CSMD1: variants seen among roughly 807,000 people sequenced by gnomAD.
CSMD1 encodes CUB and Sushi multiple domains 1.
A neutral mutation model predicts 417.5 loss-of-function variants in CSMD1; 213 were observed. That is an observed-to-expected ratio of 0.51 (90% CI 0.46 to 0.57). The LOEUF (loss-of-function observed/expected upper bound fraction) is 0.57, where lower values mean the gene tolerates loss of function less well. Ranked by LOEUF, CSMD1 falls within the 20% of genes least tolerant of loss-of-function variation. The pLI, the probability that CSMD1 is intolerant of heterozygous loss-of-function variation, is 0.00. For synonymous variants in CSMD1, 2,862 were observed against 1,736.8 expected (o/e 1.65, Z -16.11); for missense variants, 6,923 against 4,529.7 (o/e 1.53, Z -15.17).
At chr8:4,651,040 C>T (rs925645735) in intron 1 of CSMD1, among the ~76,000 whole-genome samples, 4 of 152,026 alleles carry the variant, frequency 2.6e-5, no homozygotes, top group East Asian at 3.9e-4. Context: ...CTGATCAAAG[C>T]AGTACAAAGG....
At chr8:4,213,747 C>A (rs944588846) in intron 3 of CSMD1, among the ~76,000 whole-genome samples, 1 of 152,118 alleles carries the variant, frequency 6.6e-6, no homozygotes, top group Non-Finnish European at 1.5e-5. Context: ...TGGGGTAGAA[C>A]ATGGCTGAGA....
chr8:3,936,064 A>C (rs569167221), intron 5 of CSMD1, among the ~76,000 whole-genome samples: 1 of 152,298 alleles, frequency 6.6e-6, no homozygotes, highest in South Asian at 2.1e-4. Context: ...TCCTGGGTAA[A>C]AGACCAAAGC....
At chr8:3,540,621 G>T (rs1310943266) in intron 10 of CSMD1, among the ~76,000 whole-genome samples, 5 of 152,048 alleles carry the variant, frequency 3.3e-5, no homozygotes, top group African/African-American at 1.2e-4. Flanking sequence ...GAAAATTTTT[G>T]CAATCTATCC....
intron 65 of CSMD1, among the ~76,000 whole-genome samples, chr8:2,951,952 T>TA (rs1802666131): frequency 6.6e-6 from 1 of 152,174 alleles, no homozygotes; most frequent in Non-Finnish European, 1.5e-5. Flanking sequence ...AATTCAGTAA[T>TA]GAAAGGCAGT....
chr8:4,014,064 A>G (rs1049699878), intron 4 of CSMD1, among the ~76,000 whole-genome samples: 1 of 152,234 alleles, frequency 6.6e-6, no homozygotes, highest in Admixed American at 6.5e-5. Context: ...CAAAGGCAAT[A>G]AAAACAACTT....
intron 5 of CSMD1, among the ~76,000 whole-genome samples, chr8:3,976,444 G>C (rs377514498): frequency 1.3e-5 from 2 of 152,074 alleles, no homozygotes; most frequent in African/African-American, 4.8e-5. Flanking sequence ...GTTTCCTTTT[G>C]TTTATTAATT....
chr8:4,073,015 C>A (rs1799639033), intron 3 of CSMD1, among the ~76,000 whole-genome samples: 1 of 152,084 alleles, frequency 6.6e-6, no homozygotes, highest in Non-Finnish European at 1.5e-5. Flanking sequence ...ATGTAAGGAC[C>A]AACCCAATTA....
intron 7 of CSMD1, among the ~76,000 whole-genome samples, chr8:3,624,657 T>G (rs925901290): frequency 1.3e-5 from 2 of 152,168 alleles, no homozygotes; most frequent in Non-Finnish European, 2.9e-5. Context: ...TCATTGAAAT[T>G]TTTAGTAGCA....
intron 7 of CSMD1, among the ~76,000 whole-genome samples, chr8:3,675,926 G>T (rs766400820): frequency 4.6e-5 from 7 of 152,130 alleles, no homozygotes; most frequent in Admixed American, 4.6e-4. Flanking sequence ...CCCATCATTG[G>T]AGAGTAATGT....
At chr8:4,106,495 T>C (rs1801575418) in intron 3 of CSMD1, among the ~76,000 whole-genome samples, 1 of 152,136 alleles carries the variant, frequency 6.6e-6, no homozygotes. Context: ...AGTAACCCTG[T>C]TCAATAGAAA....
chr8:4,484,980 C>CAA lies in CSMD1; in HGVS notation c.303-64917_303-64916dup, dbSNP rs57398278. Reference sequence around the variant, plus strand: ...TGGTTGACAGAGTGAGACTCTGCCTCAAAAAAAAAAAAAAAAAAAAAAAAA... The same window carrying CAA: ...TGGTTGACAGAGTGAGACTCTGCCTCAAAAAAAAAAAAAAAAAAAAAAAAAAA... On this transcript the variant is annotated intron_variant, in intron 2 of 69. Transcript: ENST00000635120. Among the ~76,000 whole-genome samples the CAA allele has an allele frequency of 1.7e-4, 9 of 53,940 alleles. 1 individual carries two copies. Among genetic ancestry groups the CAA allele is most frequent in the African/African-American group, 2.3e-4 (3 of 13,230 alleles). The allele number at this position is 53,940 out of a possible 152,430, so 35.4% of individuals were successfully genotyped here. A position where few individuals can be genotyped will look rare whatever the true frequency, so the allele number is the denominator to read the frequency against.
chr8:3,640,140 C>T (rs142960240), intron 7 of CSMD1, among the ~76,000 whole-genome samples: 44 of 152,268 alleles, frequency 2.9e-4, no homozygotes, highest in East Asian at 9.6e-4. Flanking sequence ...CTTTTTCTTG[C>T]GTAAGACTTC....
At chr8:4,289,999 T>C (rs1358085405) in intron 3 of CSMD1, among the ~76,000 whole-genome samples, 1 of 152,202 alleles carries the variant, frequency 6.6e-6, no homozygotes, top group Non-Finnish European at 1.5e-5. Flanking sequence ...AAGGAATGTG[T>C]TATGTGCTAA....
chr8:4,626,262 C>T (rs921156672), intron 2 of CSMD1, among the ~76,000 whole-genome samples: 1 of 152,048 alleles, frequency 6.6e-6, no homozygotes, highest in Non-Finnish European at 1.5e-5. Flanking sequence ...TCTGCTTCCT[C>T]TCTGATTCTC....
At chr8:3,733,005 G>A (rs996625451) in intron 6 of CSMD1, among the ~76,000 whole-genome samples, 2 of 151,810 alleles carry the variant, frequency 1.3e-5, no homozygotes, top group East Asian at 1.9e-4. Flanking sequence ...CTAAAGATAC[G>A]TGTGCCCTGA....
chr8:3,796,442 C>CAT (rs1225679922), intron 5 of CSMD1, among the ~76,000 whole-genome samples: 1 of 115,204 alleles, frequency 8.7e-6, no homozygotes, highest in African/African-American at 3.0e-5. Context: ...ATATATCTAT[C>CAT]GTGTATAGAT....
At chr8:3,817,450 T>G (rs886881839) in intron 5 of CSMD1, among the ~76,000 whole-genome samples, 2 of 151,670 alleles carry the variant, frequency 1.3e-5, no homozygotes, top group African/African-American at 4.8e-5. Flanking sequence ...CCAGCTCATT[T>G]TTGTGTTTTT....
chr8:3,559,971 G>T (rs1165618926), intron 10 of CSMD1, among the ~76,000 whole-genome samples: 2 of 152,120 alleles, frequency 1.3e-5, no homozygotes, highest in Non-Finnish European at 2.9e-5. Context: ...GCGGAATGAA[G>T]GTGGGTTTTC....
intron 4 of CSMD1, among the ~76,000 whole-genome samples, chr8:4,013,302 C>T (rs1040647532): frequency 6.6e-6 from 1 of 152,172 alleles, no homozygotes; most frequent in Non-Finnish European, 1.5e-5. Flanking sequence ...TGCCGTTGCT[C>T]TATTCTTCGT....
Sources: allele counts gnomAD v4.1 joint callset (sites outside exome capture counted in the v4.1 genomes callset), GRCh38; gene constraint gnomAD v4.1.1; transcripts MANE v1.5; gene names NCBI Gene and HGNC (gene_info 2026-07-23, HGNC 2026-07-21).